The following CCDC126 variants were observed in gnomAD, a reference collection of about 807,000 sequenced individuals.
The protein encoded by CCDC126 is coiled-coil domain-containing protein 126.
CCDC126 carries 5 observed loss-of-function variants against 11.7 expected under a neutral mutation model. That is an observed-to-expected ratio of 0.43 (90% CI 0.22 to 0.90). The LOEUF (loss-of-function observed/expected upper bound fraction) is 0.90, where lower values mean the gene tolerates loss of function less well. Among genes scored for constraint, CCDC126 ranks in the 40% least tolerant of loss-of-function variants. CCDC126 has a pLI of 0.27. For synonymous variants in CCDC126, 60 were observed against 61.9 expected (o/e 0.97, Z 0.14); for missense variants, 150 against 163.1 (o/e 0.92, Z 0.44).
intron 3 of CCDC126, among the ~76,000 whole-genome samples, chr7:23,638,256 G>T (rs1402041123): frequency 6.6e-6 from 1 of 151,724 alleles, no homozygotes; most frequent in Non-Finnish European, 1.5e-5. Context: ...TGACAATGGC[G>T]GTTTTGTGGA....
At chr7:23,625,479 T>C (rs1276993744) in intron 3 of CCDC126, among the ~76,000 whole-genome samples, 1 of 152,140 alleles carries the variant, frequency 6.6e-6, no homozygotes, top group Non-Finnish European at 1.5e-5. Flanking sequence ...CTATTTAATT[T>C]TAAATGGCAT....
intron 3 of CCDC126, among the ~76,000 whole-genome samples, chr7:23,626,609 A>G (rs904201605): frequency 6.6e-6 from 1 of 152,148 alleles, no homozygotes; most frequent in Admixed American, 6.6e-5. Flanking sequence ...TCATCCAGGT[A>G]CTGAGCTTGG....
In CCDC126 at chr7:23,643,956, A is replaced by G. The variant is rs1441470883; in HGVS notation, c.*841A>G. 6.6e-6 allele frequency: 1 copy of G among 152,160 alleles called. No homozygotes were observed. Among genetic ancestry groups the G allele is most frequent in the Non-Finnish European group, 1.5e-5 (1 of 67,960 alleles). The allele number at this position is 152,160 out of a possible 1,614,324, so 9.4% of individuals were successfully genotyped here. ...CTTTGAGTGTCTATGCTATCAGGAA[A>G]GCACATTATTTCCATATTTGGGTTA... On this transcript the variant is annotated 3_prime_UTR_variant, in exon 4 of 4. Coordinates refer to ENST00000307471, the MANE Select transcript of CCDC126 (RefSeq NM_138771.4).
intron 2 of CCDC126, among the ~76,000 whole-genome samples, chr7:23,604,831 C>G (rs2128014318): frequency 1.3e-5 from 2 of 151,798 alleles, no homozygotes; most frequent in African/African-American, 4.8e-5. Context: ...CCCGTCTCTA[C>G]TAAAAAAATA....
chr7:23,640,386 A>G (rs1196960628), intron 3 of CCDC126, among the ~76,000 whole-genome samples: 1 of 150,688 alleles, frequency 6.6e-6, no homozygotes, highest in East Asian at 1.9e-4. Flanking sequence ...AATCCCAGCT[A>G]CTCGGGAGAC....
At chr7:23,640,991 G>GCTTTTTT (rs754297249) in intron 3 of CCDC126, among the ~76,000 whole-genome samples, 1 of 111,000 alleles carries the variant, frequency 9.0e-6, no homozygotes, top group African/African-American at 3.8e-5. Flanking sequence ...GAATCCTTTT[G>GCTTTTTT]GTTTTTTTTT....
intron 3 of CCDC126, among the ~76,000 whole-genome samples, chr7:23,620,958 C>A (rs1211619006): frequency 6.6e-6 from 1 of 152,096 alleles, no homozygotes; most frequent in African/African-American, 2.4e-5. Flanking sequence ...TGGTACCAGT[C>A]CCATGCTGTT....
chr7:23,643,010 T>C lies in CCDC126; in HGVS notation c.318T>C (p.Tyr106=). The change falls in exon 4 of 4, where the codon TAT becomes TAC. Residue 106 remains tyrosine (Y), a synonymous_variant. Coordinates refer to ENST00000307471, the MANE Select transcript of CCDC126 (RefSeq NM_138771.4). ...TGAAGCTGGAGAACAAAGTTGACTA[T>C]ATTGTTGTGAATGGCTCAGCAGCCA... is the stretch of plus-strand genomic sequence containing the variant. ...RLVKLENKVD[Y]IVVNGSAANT... 1 of 1,614,204 alleles carries C rather than the reference T, an allele frequency of 6.2e-7. No homozygotes were observed. The highest frequency in any genetic ancestry group is 1.6e-4 in the Middle Eastern group (1 of 6,062).
intron 2 of CCDC126, among the ~76,000 whole-genome samples, chr7:23,601,436 C>T (rs535528123): frequency 6.6e-6 from 1 of 152,280 alleles, no homozygotes; most frequent in Admixed American, 6.5e-5. Context: ...TAAAAATAAA[C>T]TGGAAATTTA....
At chr7:23,599,721 A>G (rs1782499545) in intron 2 of CCDC126, among the ~76,000 whole-genome samples, 1 of 151,888 alleles carries the variant, frequency 6.6e-6, no homozygotes. Flanking sequence ...CAGCTTCCCA[A>G]ATGGTGGGAT....
intron 2 of CCDC126, among the ~76,000 whole-genome samples, chr7:23,599,321 C>G (rs1040894204): frequency 6.6e-6 from 1 of 152,112 alleles, no homozygotes; most frequent in African/African-American, 2.4e-5. Context: ...CTGCCAACTG[C>G]CTGGTTTTCC....
intron 2 of CCDC126, among the ~76,000 whole-genome samples, chr7:23,601,258 G>A (rs919466600): frequency 3.3e-5 from 5 of 152,162 alleles, no homozygotes; most frequent in African/African-American, 7.2e-5. Flanking sequence ...GCACACACCT[G>A]TAGTCCCAGC....
intron 3 of CCDC126, among the ~76,000 whole-genome samples, chr7:23,628,271 AG>A (rs538518707): frequency 1.2e-3 from 177 of 152,322 alleles, no homozygotes; most frequent in African/African-American, 4.0e-3. Context: ...GAGGAGAAAA[AG>A]TCAGACAGTC....
In CCDC126 at chr7:23,643,707, G is replaced by A. The variant is rs1447416808; in HGVS notation, c.*592G>A. ...TCAGAATAACTGAAGGTTAATTATT[G>A]TATATTTTTAAAAATTACACTTATA... On this transcript the variant is annotated 3_prime_UTR_variant, in exon 4 of 4. Transcript: ENST00000307471. The A allele has an allele frequency of 6.6e-6, 1 of 152,488 alleles. No individual in the cohort carries two copies. The highest frequency in any genetic ancestry group is 1.5e-5 in the Non-Finnish European group (1 of 67,992). The allele number at this position is 152,488 out of a possible 1,614,324, so 9.4% of individuals were successfully genotyped here.
rs1306217675 is a variant in CCDC126 at position 23,637,995 on chromosome 7, C to T, written c.239-4936C>T. On this transcript the variant is annotated intron_variant, in intron 3 of 3. Coordinates refer to ENST00000307471, the MANE Select transcript of CCDC126 (RefSeq NM_138771.4). ...GGTCAGCCCCCCGCCCGGCCAGCCGCCCTATCCAGGAGGTGAGGAGCGCCT... is the reference window on the plus strand; with the variant it reads ...GGTCAGCCCCCCGCCCGGCCAGCCGTCCTATCCAGGAGGTGAGGAGCGCCT... 2.2e-3 allele frequency among the ~76,000 whole-genome samples: 284 copies of T among 127,806 alleles called. 3 individuals are homozygous for T. The highest frequency in any genetic ancestry group is 7.6e-3 in the African/African-American group (271 of 35,878). 83.8% of individuals were successfully genotyped at this position (127,806 alleles called of 152,430 possible).
chr7:23,620,344 A>G (rs1356086449), intron 3 of CCDC126, among the ~76,000 whole-genome samples: 3 of 152,176 alleles, frequency 2.0e-5, no homozygotes, highest in Non-Finnish European at 4.4e-5. Flanking sequence ...GATGATGAGC[A>G]TTTTTTCATG....
chr7:23,626,785 A>G (rs2128019434), intron 3 of CCDC126, among the ~76,000 whole-genome samples: 1 of 152,304 alleles, frequency 6.6e-6, no homozygotes, highest in South Asian at 2.1e-4. Flanking sequence ...GCATTAGCTA[A>G]TATTTTTTAA....
intron 2 of CCDC126, among the ~76,000 whole-genome samples, chr7:23,609,050 C>G (rs1416031353): frequency 6.6e-6 from 1 of 152,052 alleles, no homozygotes; most frequent in African/African-American, 2.4e-5. Context: ...GTCAGCTGAT[C>G]CATCTAGTTC....
chr7:23,599,133 C>T (rs1372324675), intron 2 of CCDC126, among the ~76,000 whole-genome samples: 1 of 152,208 alleles, frequency 6.6e-6, no homozygotes, highest in Non-Finnish European at 1.5e-5. Context: ...AGTTATCACT[C>T]TCTCATGAGC....
Sources: allele counts gnomAD v4.1 joint callset (sites outside exome capture counted in the v4.1 genomes callset), GRCh38; gene constraint gnomAD v4.1.1; transcripts MANE v1.5; gene names NCBI Gene and HGNC (gene_info 2026-07-23, HGNC 2026-07-21).